ZNF804A: variants seen among roughly 807,000 people sequenced by gnomAD.
The protein encoded by ZNF804A is zinc finger protein 804A.
A neutral mutation model predicts 16.5 loss-of-function variants in ZNF804A; 2 were observed. That is an observed-to-expected ratio of 0.12 (90% CI 0.05 to 0.38). The LOEUF is 0.38. Ranked by LOEUF, ZNF804A falls within the 10% of genes least tolerant of loss-of-function variation. The pLI, the probability that ZNF804A is intolerant of heterozygous loss-of-function variation, is 0.99. For missense variants in ZNF804A, 1,473 were observed against 1,390.7 expected (o/e 1.06, Z -0.94); for synonymous variants, 534 against 489.6 (o/e 1.09, Z -1.20).
intron 1 of ZNF804A, among the ~76,000 whole-genome samples, chr2:184,677,064 GA>G (rs561220773): frequency 4.5e-4 from 68 of 151,130 alleles, no homozygotes; most frequent in Middle Eastern, 3.4e-3. Context: ...GAACAAAAAA[GA>G]AAAAAAACAT....
chr2:184,914,133 G>A (rs1685410069), intron 2 of ZNF804A, among the ~76,000 whole-genome samples: 1 of 152,124 alleles, frequency 6.6e-6, no homozygotes, highest in East Asian at 1.9e-4. Context: ...AGAAAACACA[G>A]CTTCTTGGCC....
chr2:184,653,424 G>A (rs1362610035), intron 1 of ZNF804A, among the ~76,000 whole-genome samples: 1 of 152,114 alleles, frequency 6.6e-6, no homozygotes, highest in Admixed American at 6.6e-5. Flanking sequence ...CGCCTCCTCA[G>A]AAGAAAGTAT....
At chr2:184,780,687 C>G (rs2105773488) in intron 1 of ZNF804A, among the ~76,000 whole-genome samples, 1 of 151,816 alleles carries the variant, frequency 6.6e-6, no homozygotes, top group East Asian at 1.9e-4. Flanking sequence ...CGAAGAAAAG[C>G]TTTTTTATCT....
chr2:184,617,598 CTT>C (rs1390970018), intron 1 of ZNF804A, among the ~76,000 whole-genome samples: 10 of 151,456 alleles, frequency 6.6e-5, no homozygotes, highest in African/African-American at 9.7e-5. Context: ...TATAGGTACT[CTT>C]AAGTCATTTC....
chr2:184,664,138 G>C (rs960965668), intron 1 of ZNF804A, among the ~76,000 whole-genome samples: 2 of 152,232 alleles, frequency 1.3e-5, no homozygotes, highest in East Asian at 3.9e-4. Flanking sequence ...AGGTTTTCAA[G>C]AATAGTAGTG....
intron 2 of ZNF804A, 66 bp from the exon 3 acceptor site, chr2:184,933,537 C>CA: frequency 6.8e-7 from 1 of 1,462,194 alleles, no homozygotes; most frequent in Non-Finnish European, 9.1e-7. Flanking sequence ...TCAACAATAA[C>CA]AATGAAACTT....
At chr2:184,911,702 G>A (rs1044984990) in intron 2 of ZNF804A, among the ~76,000 whole-genome samples, 1 of 150,926 alleles carries the variant, frequency 6.6e-6, no homozygotes, top group Admixed American at 6.7e-5. Context: ...TTGGTTAGAC[G>A]TATTCTTGGA....
At chr2:184,691,927 C>G (rs941806219) in intron 1 of ZNF804A, among the ~76,000 whole-genome samples, 1 of 151,886 alleles carries the variant, frequency 6.6e-6, no homozygotes, top group Admixed American at 6.6e-5. Context: ...ATGAGAGAAG[C>G]AATGAAAGAT....
intron 1 of ZNF804A, among the ~76,000 whole-genome samples, chr2:184,663,285 G>A (rs1017216512): frequency 5.3e-5 from 8 of 152,170 alleles, no homozygotes; most frequent in Admixed American, 2.0e-4. Context: ...CACCCACTTC[G>A]ATTTCAGAGC....
intron 1 of ZNF804A, among the ~76,000 whole-genome samples, chr2:184,624,835 T>C (rs1211749622): frequency 6.6e-6 from 1 of 152,194 alleles, no homozygotes; most frequent in Non-Finnish European, 1.5e-5. Flanking sequence ...GCTGATTAAA[T>C]TAATGAGTAA....
intron 1 of ZNF804A, among the ~76,000 whole-genome samples, chr2:184,636,423 CTGTGTG>C (rs746003358): frequency 5.0e-5 from 5 of 99,244 alleles, no homozygotes; most frequent in Admixed American, 2.2e-4. Flanking sequence ...GGCTCTAGGG[CTGTGTG>C]TGTGTGTGTG....
At chr2:184,852,830 A>T (rs979348699) in intron 1 of ZNF804A, among the ~76,000 whole-genome samples, 1 of 151,024 alleles carries the variant, frequency 6.6e-6, no homozygotes, top group Non-Finnish European at 1.5e-5. Flanking sequence ...TGTTAACAAC[A>T]TGTTGGTTGC....
At chr2:184,829,949 A>G (rs1048304147) in intron 1 of ZNF804A, among the ~76,000 whole-genome samples, 2 of 144,896 alleles carry the variant, frequency 1.4e-5, no homozygotes, top group African/African-American at 5.2e-5. Context: ...AAAACCACAC[A>G]CACACAAATG....
intron 1 of ZNF804A, among the ~76,000 whole-genome samples, chr2:184,796,500 A>T (rs1694630830): frequency 6.6e-6 from 1 of 152,078 alleles, no homozygotes; most frequent in Non-Finnish European, 1.5e-5. Flanking sequence ...TAGGTTTTCT[A>T]GTTTATGTGC....
chr2:184,755,598 A>G (rs1693948270), intron 1 of ZNF804A, among the ~76,000 whole-genome samples: 2 of 151,904 alleles, frequency 1.3e-5, no homozygotes, highest in South Asian at 4.2e-4. Flanking sequence ...CTTTACTTTC[A>G]TTGTGTTGAG....
intron 2 of ZNF804A, among the ~76,000 whole-genome samples, chr2:184,904,167 G>T (rs923033940): frequency 5.3e-5 from 8 of 151,864 alleles, no homozygotes; most frequent in African/African-American, 1.9e-4. Context: ...AAACTAGGAG[G>T]TGAATTACAT....
chr2:184,810,601 C>G (rs1271685562), intron 1 of ZNF804A, among the ~76,000 whole-genome samples: 2 of 151,290 alleles, frequency 1.3e-5, no homozygotes, highest in Non-Finnish European at 2.9e-5. Flanking sequence ...CGCCATTCTC[C>G]TGTCTCAGCC....
chr2:184,705,874 G>A (rs1693022191), intron 1 of ZNF804A, among the ~76,000 whole-genome samples: 1 of 152,082 alleles, frequency 6.6e-6, no homozygotes, highest in South Asian at 2.1e-4. Context: ...ACAACAGATT[G>A]ACACCTGACA....
intron 1 of ZNF804A, among the ~76,000 whole-genome samples, chr2:184,739,247 T>G (rs1004950770): frequency 6.6e-6 from 1 of 152,212 alleles, no homozygotes; most frequent in Non-Finnish European, 1.5e-5. Flanking sequence ...ATAAAAATAG[T>G]CATGTATTCT....
Sources: gnomAD v4.1 joint callset for allele counts (sites outside exome capture counted in the v4.1 genomes callset) on GRCh38, gnomAD v4.1.1 for gene constraint, MANE v1.5 for transcripts, NCBI Gene and HGNC (gene_info 2026-07-23, HGNC 2026-07-21) for gene names.